Variants in CNTNAP2 observed in about 807,000 individuals in gnomAD.
CNTNAP2 encodes the protein contactin-associated protein-like 2.
Under a neutral mutation model 155.2 loss-of-function variants are expected in CNTNAP2, and 98 were observed. The observed-to-expected ratio is 0.63, with a 90% CI of 0.54 to 0.75. CNTNAP2 has a LOEUF of 0.75. CNTNAP2 is among the 30% of genes least tolerant of loss of function. The pLI is 0.00. For synonymous variants in CNTNAP2, 651 were observed against 631.2 expected, an observed-to-expected ratio of 1.03 and a Z score of -0.47; for missense variants, 1,727 against 1,688.1, an observed-to-expected ratio of 1.02 and a Z score of -0.40.
At chr7:147,083,805 G>A (rs1179193618) in intron 4 of CNTNAP2, among the ~76,000 whole-genome samples, 1 of 131,050 alleles carries the variant, frequency 7.6e-6, no homozygotes, top group Non-Finnish European at 1.5e-5. Context: ...ATATACACAT[G>A]TATGTACATA....
At chr7:147,002,531 G>A (rs1460189670) in intron 3 of CNTNAP2, among the ~76,000 whole-genome samples, 7 of 151,924 alleles carry the variant, frequency 4.6e-5, no homozygotes, top group South Asian at 2.1e-4. Flanking sequence ...AAAACGTCAC[G>A]AAATTTACCC....
At chr7:146,875,244 C>T (rs377421204) in intron 3 of CNTNAP2, among the ~76,000 whole-genome samples, 1 of 152,078 alleles carries the variant, frequency 6.6e-6, no homozygotes, top group Non-Finnish European at 1.5e-5. Context: ...TCTACACAAA[C>T]TTATAACTGA....
rs1015499909 is a variant in CNTNAP2, at chr7:146,779,101, G to A, written c.208+4720G>A. The stretch of plus-strand genomic sequence containing the variant: ...CACAGAGAAGGATGAATCAAGCTCT[G>A]GTTTCACTCACAGGCTCTTTCAGAC... On this transcript the variant is annotated intron_variant, in intron 2 of 23. Transcript: ENST00000361727. 3.5e-4 allele frequency among the ~76,000 whole-genome samples: 53 copies of A among 152,094 alleles called. 1 individual carries two copies. Among genetic ancestry groups the A allele is most frequent in the Admixed American group, 6.5e-5 (1 of 15,270 alleles).
At chr7:147,404,180 C>T (rs1563191636) in intron 10 of CNTNAP2, among the ~76,000 whole-genome samples, 1 of 152,168 alleles carries the variant, frequency 6.6e-6, no homozygotes, top group Non-Finnish European at 1.5e-5. Flanking sequence ...GATAAATTCA[C>T]GTTATTCAAA....
chr7:146,624,590 A>AT (rs1237808523), intron 1 of CNTNAP2, among the ~76,000 whole-genome samples: 1 of 151,604 alleles, frequency 6.6e-6, no homozygotes, highest in Admixed American at 6.6e-5. Flanking sequence ...ACTCTCTTCC[A>AT]TTTTCTATTC....
intron 21 of CNTNAP2, among the ~76,000 whole-genome samples, chr7:148,276,068 T>C (rs1333075937): frequency 6.6e-6 from 1 of 152,102 alleles, no homozygotes; most frequent in African/African-American, 2.4e-5. Context: ...AAGGCGGCTT[T>C]ACCAGCAGGG....
chr7:147,398,153 G>A (rs543052680), intron 10 of CNTNAP2, among the ~76,000 whole-genome samples: 1 of 151,980 alleles, frequency 6.6e-6, no homozygotes, highest in Non-Finnish European at 1.5e-5. Flanking sequence ...CCCTTAATCT[G>A]TGTCTTTCCA....
intron 12 of CNTNAP2, among the ~76,000 whole-genome samples, chr7:147,576,873 G>A (rs1584826280): frequency 6.6e-6 from 1 of 152,100 alleles, no homozygotes; most frequent in Middle Eastern, 3.4e-3. Flanking sequence ...TATGAAGTGT[G>A]GGTTTTGTTC....
Position 147,696,758 on chromosome 7 carries a change from A to T in CNTNAP2, c.2098+57452A>T, listed in dbSNP as rs1479783834. Among the ~76,000 whole-genome samples, 5 of 151,994 alleles carry T rather than the reference A, an allele frequency of 3.3e-5. No individual in the cohort carries two copies. In the East Asian group the frequency reaches 9.7e-4, roughly 29 times the overall value. ...CTTATTTTTCCTTCACTTTTGAAGG[A>T]TAGTTTTGCAGAGTGCAGAATTCCA... On this transcript the variant is annotated intron_variant, in intron 13 of 23. Coordinates refer to ENST00000361727, the MANE Select transcript of CNTNAP2 (RefSeq NM_014141.6).
intron 9 of CNTNAP2, among the ~76,000 whole-genome samples, chr7:147,362,387 G>T (rs190140873): frequency 6.6e-6 from 1 of 152,044 alleles, no homozygotes; most frequent in Non-Finnish European, 1.5e-5. Context: ...CTCCTGCCTC[G>T]GCCACACAAA....
At chr7:147,015,935 T>C (rs1386818447) in intron 3 of CNTNAP2, among the ~76,000 whole-genome samples, 4 of 152,092 alleles carry the variant, frequency 2.6e-5, no homozygotes, top group Non-Finnish European at 4.4e-5. Context: ...ACAGGCAAAA[T>C]AACTGTCACT....
intron 3 of CNTNAP2, among the ~76,000 whole-genome samples, chr7:146,862,214 G>T (rs1795115639): frequency 6.6e-6 from 1 of 152,004 alleles, no homozygotes; most frequent in African/African-American, 2.4e-5. Flanking sequence ...TATTTTGAGG[G>T]TTAAAGTACT....
chr7:146,985,814 C>A (rs1271838043), intron 3 of CNTNAP2, among the ~76,000 whole-genome samples: 4 of 152,036 alleles, frequency 2.6e-5, no homozygotes, highest in African/African-American at 7.2e-5. Flanking sequence ...AACATTAAAG[C>A]TATTAAACAA....
At chr7:147,612,179 G>A (rs1297690567) in intron 12 of CNTNAP2, among the ~76,000 whole-genome samples, 2 of 152,046 alleles carry the variant, frequency 1.3e-5, no homozygotes, top group Non-Finnish European at 2.9e-5. Flanking sequence ...ACTAGACATT[G>A]TAACTAAGAA....
chr7:146,449,554 C>A (rs1246506220), intron 1 of CNTNAP2, among the ~76,000 whole-genome samples: 1 of 152,130 alleles, frequency 6.6e-6, no homozygotes, highest in Non-Finnish European at 1.5e-5. Context: ...CTTGGGGCTG[C>A]AGTTCACAGA....
intron 17 of CNTNAP2, 109 bp from the exon 18 acceptor site, chr7:148,172,133 C>G: frequency 2.8e-6 from 3 of 1,056,240 alleles, no homozygotes; most frequent in Non-Finnish European, 4.4e-6. Context: ...AGTGACAATA[C>G]TAGATGTGCT....
At chr7:147,366,135 C>T (rs1252555250) in intron 9 of CNTNAP2, among the ~76,000 whole-genome samples, 2 of 152,158 alleles carry the variant, frequency 1.3e-5, no homozygotes, top group East Asian at 3.9e-4. Flanking sequence ...TAAGGCTATT[C>T]AGGCGTGCTG....
chr7:146,783,700 T>G (rs1160441823), intron 2 of CNTNAP2, among the ~76,000 whole-genome samples: 1 of 152,214 alleles, frequency 6.6e-6, no homozygotes, highest in Non-Finnish European at 1.5e-5. Flanking sequence ...TGTGCTAGGT[T>G]TTGTTGCAAT....
intron 1 of CNTNAP2, among the ~76,000 whole-genome samples, chr7:146,615,056 G>A (rs1799202269): frequency 6.6e-6 from 1 of 152,092 alleles, no homozygotes; most frequent in African/African-American, 2.4e-5. Flanking sequence ...TTGGTGATTT[G>A]GGGGAAGGAG....
Sources: gnomAD v4.1 joint callset for allele counts (sites outside exome capture counted in the v4.1 genomes callset) on GRCh38, gnomAD v4.1.1 for gene constraint, MANE v1.5 for transcripts, NCBI Gene and HGNC (gene_info 2026-07-23, HGNC 2026-07-21) for gene names.